MINDY4: variants seen among roughly 807,000 people sequenced by gnomAD.
MINDY4 encodes the protein probable ubiquitin carboxyl-terminal hydrolase MINDY-4.
In MINDY4, 68 loss-of-function variants were observed where a neutral mutation model predicts 87.0. The observed-to-expected ratio is 0.78, with a 90% CI of 0.64 to 0.96. The LOEUF (loss-of-function observed/expected upper bound fraction) is 0.96, where lower values mean the gene tolerates loss of function less well. Among genes scored for constraint, MINDY4 ranks in the 40% least tolerant of loss-of-function variants. The pLI, the probability that MINDY4 is intolerant of heterozygous loss-of-function variation, is 0.00. For missense variants in MINDY4, 919 were observed against 928.2 expected (o/e 0.99, Z 0.13); for synonymous variants, 379 against 363.2 (o/e 1.04, Z -0.50).
Position 30,822,977 on chromosome 7 carries a change from A to G in MINDY4, c.1074-5702A>G, listed in dbSNP as rs552824369. Among the ~76,000 whole-genome samples the G allele has an allele frequency of 1.2e-4, 19 of 152,114 alleles. No individual in the cohort carries two copies. The South Asian group carries it at 3.3e-3, about 27-fold the overall frequency. On this transcript the variant is annotated intron_variant, in intron 5 of 17. Transcript: ENST00000265299. ...ATTTTAATCTCAGTTTTAGTTTTTC[A>G]TGAAGAGAATGGGCTTGTCCTAAGA...
At chr7:30,871,981 GGCAGAGC>G (rs1790119425) in intron 13 of MINDY4, among the ~76,000 whole-genome samples, 1 of 152,162 alleles carries the variant, frequency 6.6e-6, no homozygotes, top group Non-Finnish European at 1.5e-5. Context: ...CTCTAGTGTA[GGCAGAGC>G]CCTGGTGCGG....
chr7:30,817,705 A>C (rs1039807354), intron 5 of MINDY4, among the ~76,000 whole-genome samples: 1 of 152,192 alleles, frequency 6.6e-6, no homozygotes, highest in Non-Finnish European at 1.5e-5. Flanking sequence ...CAACTCCGGC[A>C]AAAGGGAGGC....
chr7:30,782,342 T>TTGTGTGTG (rs56380069), intron 3 of MINDY4, 130 bp downstream of exon 3: 19 of 578,664 alleles, frequency 3.3e-5, no homozygotes, highest in African/African-American at 1.5e-4. Context: ...GTGTGTATGT[T>TTGTGTGTG]TGTGTGTGTG....
At chr7:30,863,900 T>G (rs1278693942) in intron 13 of MINDY4, among the ~76,000 whole-genome samples, 1 of 151,906 alleles carries the variant, frequency 6.6e-6, no homozygotes, top group Non-Finnish European at 1.5e-5. Context: ...TCAAACCACA[T>G]GGCTAGAACT....
In MINDY4 at chr7:30,892,095, C is replaced by T. The variant is rs1451060002; in HGVS notation, c.*90C>T. The T allele has an allele frequency of 7.0e-7, 1 of 1,420,354 alleles. No homozygotes were observed. Among genetic ancestry groups the T allele is most frequent in the Non-Finnish European group, 9.9e-7 (1 of 1,005,490 alleles). The allele number at this position is 1,420,354 out of a possible 1,614,324, so 88.0% of individuals were successfully genotyped here. A position where few individuals can be genotyped will look rare whatever the true frequency, so the allele number is the denominator to read the frequency against. On this transcript the variant is annotated 3_prime_UTR_variant, in exon 18 of 18. Coordinates refer to ENST00000265299, the MANE Select transcript of MINDY4 (RefSeq NM_032222.3). ...AACCCCAAGCCTCTGGGGCAGGTCT[C>T]ATGTACCCCAACCTGGGTCAGCATG...
intron 6 of MINDY4, among the ~76,000 whole-genome samples, chr7:30,828,964 C>G (rs1245418994): frequency 6.6e-6 from 1 of 152,184 alleles, no homozygotes; most frequent in Non-Finnish European, 1.5e-5. Flanking sequence ...ATTTCTGGAT[C>G]TACACTGTGG....
chr7:30,852,496 C>A, intron 11 of MINDY4: 1 of 424,246 alleles, frequency 2.4e-6, no homozygotes, highest in Non-Finnish European at 3.2e-6. Context: ...GGCTGACTGG[C>A]TTCCTGTCCC....
chr7:30,873,296 G>A (rs1790162456), intron 14 of MINDY4, among the ~76,000 whole-genome samples: 1 of 152,232 alleles, frequency 6.6e-6, no homozygotes, highest in African/African-American at 2.4e-5. Context: ...CTTTTCTGGG[G>A]CAGAGAAGGA....
At chr7:30,872,203 C>G (rs767719331) in intron 13 of MINDY4, 40 bp from the exon 14 acceptor site, 2 of 1,608,496 alleles carry the variant, frequency 1.2e-6, no homozygotes, top group Admixed American at 3.3e-5. Flanking sequence ...CAACCTGGGT[C>G]AGGCAGAGCT....
chr7:30,845,398 T>G, intron 9 of MINDY4, among the ~76,000 whole-genome samples: 1 of 152,122 alleles, frequency 6.6e-6, no homozygotes, highest in Non-Finnish European at 1.5e-5. Flanking sequence ...TTATATAGTT[T>G]TCACATTGAT....
At chr7:30,835,399 G>A (rs558922210) in intron 6 of MINDY4, among the ~76,000 whole-genome samples, 1 of 152,252 alleles carries the variant, frequency 6.6e-6, no homozygotes, top group South Asian at 2.1e-4. Context: ...TCTCTCACTG[G>A]GTCCCTCGCA....
At chr7:30,776,150 C>T (rs1786804695) in intron 1 of MINDY4, among the ~76,000 whole-genome samples, 1 of 152,208 alleles carries the variant, frequency 6.6e-6, no homozygotes, top group African/African-American at 2.4e-5. Flanking sequence ...TATTTTCAAC[C>T]TAGCAGCCAA....
intron 13 of MINDY4, among the ~76,000 whole-genome samples, chr7:30,870,558 T>C (rs1285490682): frequency 6.6e-6 from 1 of 152,142 alleles, no homozygotes; most frequent in Non-Finnish European, 1.5e-5. Flanking sequence ...CCCCAGCTCA[T>C]CTTCTCATGT....
intron 2 of MINDY4, chr7:30,780,353 G>C (rs117307510): frequency 3.3e-5 from 5 of 152,138 alleles, no homozygotes; most frequent in Non-Finnish European, 2.9e-5. Flanking sequence ...GGCTTTTAAC[G>C]TAAATGTACC....
chr7:30,879,204 T>A (rs1392691184), intron 15 of MINDY4, among the ~76,000 whole-genome samples: 1 of 152,106 alleles, frequency 6.6e-6, no homozygotes, highest in African/African-American at 2.4e-5. Context: ...AGGAAATGAT[T>A]AAGGTAAAAT....
At chr7:30,798,778 G>A (rs984273892) in intron 5 of MINDY4, among the ~76,000 whole-genome samples, 2 of 152,166 alleles carry the variant, frequency 1.3e-5, no homozygotes, top group South Asian at 2.1e-4. Context: ...GATTACAGGC[G>A]TGAGCCACTG....
intron 5 of MINDY4, among the ~76,000 whole-genome samples, chr7:30,807,198 C>T (rs1179794862): frequency 6.6e-6 from 1 of 152,134 alleles, no homozygotes; most frequent in Non-Finnish European, 1.5e-5. Context: ...ATTTCATGTC[C>T]ACCTCCTCAT....
intron 5 of MINDY4, among the ~76,000 whole-genome samples, chr7:30,809,602 G>A (rs1258573646): frequency 2.0e-5 from 3 of 151,598 alleles, no homozygotes; most frequent in African/African-American, 7.3e-5. Flanking sequence ...ACAAAACAAG[G>A]TCTTATTAAT....
chr7:30,866,894 C>T (rs996654794), intron 13 of MINDY4, among the ~76,000 whole-genome samples: 5 of 152,084 alleles, frequency 3.3e-5, no homozygotes, highest in Middle Eastern at 3.2e-3. Flanking sequence ...CCTCTTTTTC[C>T]GTCCTGCGGA....
Sources: gnomAD v4.1 joint callset for allele counts (sites outside exome capture counted in the v4.1 genomes callset) on GRCh38, gnomAD v4.1.1 for gene constraint, MANE v1.5 for transcripts, NCBI Gene and HGNC (gene_info 2026-07-23, HGNC 2026-07-21) for gene names.